Variants in STARD13 observed in about 807,000 individuals in gnomAD.
STARD13 encodes stAR-related lipid transfer protein 13.
In STARD13, 62 loss-of-function variants were observed where a neutral mutation model predicts 106.4. The observed-to-expected ratio is 0.58, with a 90% confidence interval of 0.48 to 0.72. The LOEUF (loss-of-function observed/expected upper bound fraction) is 0.72, where lower values mean the gene tolerates loss of function less well. Among genes scored for constraint, STARD13 ranks in the 30% least tolerant of loss-of-function variants. STARD13 has a pLI of 0.00. For missense variants in STARD13, 1,387 were observed against 1,424.0 expected, an observed-to-expected ratio of 0.97 and a Z score of 0.42; for synonymous variants, 565 against 553.0, an observed-to-expected ratio of 1.02 and a Z score of -0.31.
At chr13:33,441,742 A>G in the STARD13 span, among the ~76,000 whole-genome samples, 2 of 152,190 alleles carry the variant, frequency 1.3e-5, no homozygotes, top group Non-Finnish European at 2.9e-5. Context: ...TGTCCTTGAT[A>G]CCACAGTTCC....
the STARD13 span, among the ~76,000 whole-genome samples, chr13:33,565,674 A>G: frequency 7.4e-5 from 11 of 147,930 alleles, no homozygotes; most frequent in Non-Finnish European, 1.6e-4. Context: ...GCTCATACAG[A>G]TCACTCACCT....
intron 7 of STARD13, among the ~76,000 whole-genome samples, chr13:33,121,073 A>C (rs1876212892): frequency 6.6e-6 from 1 of 152,022 alleles, no homozygotes; most frequent in Admixed American, 6.5e-5. Context: ...GTTTTGTGAG[A>C]CCATGAATTT....
At chr13:33,143,504 C>T (rs1880119066) in intron 3 of STARD13, among the ~76,000 whole-genome samples, 1 of 152,148 alleles carries the variant, frequency 6.6e-6, no homozygotes, top group Admixed American at 6.5e-5. Flanking sequence ...ATTGGGTTAC[C>T]TATTCTCTTG....
At chr13:33,206,366 A>AACACACACACAC (rs59306930) in intron 1 of STARD13, among the ~76,000 whole-genome samples, 47 of 149,472 alleles carry the variant, frequency 3.1e-4, no homozygotes, top group Non-Finnish European at 4.8e-4. Context: ...CCATGACTGA[A>AACACACACACAC]ACACACACAC....
the STARD13 span, among the ~76,000 whole-genome samples, chr13:33,580,599 C>G: frequency 6.6e-6 from 1 of 151,772 alleles, no homozygotes; most frequent in Non-Finnish European, 1.5e-5. Flanking sequence ...ATGTACCACA[C>G]GAATAAAATA....
At chr13:33,643,332 C>T in the STARD13 span, among the ~76,000 whole-genome samples, 1 of 152,230 alleles carries the variant, frequency 6.6e-6, no homozygotes, top group Admixed American at 6.5e-5. Context: ...GGGAAGTGTC[C>T]TGCCCACCAC....
chr13:33,370,288 C>T, the STARD13 span, among the ~76,000 whole-genome samples: 1 of 152,118 alleles, frequency 6.6e-6, no homozygotes, highest in Non-Finnish European at 1.5e-5. Flanking sequence ...TGATTTGATC[C>T]TCCCAGAATC....
At chr13:33,525,036 C>G in the STARD13 span, among the ~76,000 whole-genome samples, 2 of 152,138 alleles carry the variant, frequency 1.3e-5, no homozygotes, top group South Asian at 4.2e-4. Flanking sequence ...TGATTATTTT[C>G]TTAGAGACAG....
chr13:33,484,565 A>C, the STARD13 span, among the ~76,000 whole-genome samples: 1 of 152,068 alleles, frequency 6.6e-6, no homozygotes, highest in African/African-American at 2.4e-5. Flanking sequence ...ATCCCCAACC[A>C]ATCAGCAGCA....
At chr13:33,649,689 TAGAGATG>T in the STARD13 span, among the ~76,000 whole-genome samples, 3 of 152,084 alleles carry the variant, frequency 2.0e-5, no homozygotes, top group Non-Finnish European at 4.4e-5. Flanking sequence ...CACTCTAAAA[TAGAGATG>T]AGGGCTTGGT....
chr13:33,448,155 G>C, the STARD13 span, among the ~76,000 whole-genome samples: 1 of 151,940 alleles, frequency 6.6e-6, no homozygotes, highest in East Asian at 1.9e-4. Context: ...TTATAATAGC[G>C]TATCCAGCAC....
At chr13:33,170,376 G>C (rs1478330363) in intron 1 of STARD13, among the ~76,000 whole-genome samples, 1 of 152,096 alleles carries the variant, frequency 6.6e-6, no homozygotes, top group Admixed American at 6.5e-5. Flanking sequence ...CAGTGCAATG[G>C]GGCTGAAGCT....
the STARD13 span, among the ~76,000 whole-genome samples, chr13:33,626,087 A>G: frequency 3.3e-5 from 5 of 152,166 alleles, no homozygotes; most frequent in African/African-American, 1.2e-4. Flanking sequence ...TTTATATGAG[A>G]GACTCTTGGC....
intron 1 of STARD13, among the ~76,000 whole-genome samples, chr13:33,262,644 C>A (rs958328565): frequency 0.25 from 34,842 of 140,050 alleles, 5,070 homozygotes; most frequent in African/African-American, 0.37. Context: ...CAGAACCCCC[C>A]CCCCCACACA....
intron 1 of STARD13, among the ~76,000 whole-genome samples, chr13:33,178,407 C>T (rs776398837): frequency 2.8e-4 from 42 of 152,146 alleles, no homozygotes; most frequent in Non-Finnish European, 5.4e-4. Context: ...TTCACCAGAA[C>T]GTGCATCCTG....
chr13:33,251,121 C>T (rs533086657), intron 1 of STARD13, among the ~76,000 whole-genome samples: 82 of 152,294 alleles, frequency 5.4e-4, no homozygotes, highest in African/African-American at 1.5e-3. Context: ...TTATTTAACT[C>T]TCTGAGGCTC....
At chr13:33,292,224 T>G (rs1024408863) in intron 1 of STARD13, among the ~76,000 whole-genome samples, 3 of 151,964 alleles carry the variant, frequency 2.0e-5, no homozygotes, top group African/African-American at 7.2e-5. Flanking sequence ...AAAAACCCAG[T>G]TACAAAATTC....
intron 1 of STARD13, among the ~76,000 whole-genome samples, chr13:33,320,746 G>A (rs1893529000): frequency 6.6e-6 from 1 of 152,176 alleles, no homozygotes; most frequent in African/African-American, 2.4e-5. Flanking sequence ...GAGGAGGGGA[G>A]GACTGCTTGA....
the STARD13 span, among the ~76,000 whole-genome samples, chr13:33,530,907 T>A: frequency 0.01 from 1,575 of 152,312 alleles, 32 homozygotes; most frequent in African/African-American, 0.036. Flanking sequence ...TACTTCATCC[T>A]TTCACTTTAT....
Sources: allele counts gnomAD v4.1 joint callset (sites outside exome capture counted in the v4.1 genomes callset), GRCh38; gene constraint gnomAD v4.1.1; transcripts MANE v1.5; gene names NCBI Gene and HGNC (gene_info 2026-07-23, HGNC 2026-07-21).